IL10RB: variants seen among roughly 807,000 people sequenced by gnomAD.
IL10RB encodes interleukin-10 receptor subunit beta.
Under a neutral mutation model 38.7 loss-of-function variants are expected in IL10RB, and 30 were observed. That is an observed-to-expected ratio of 0.78 (90% CI 0.58 to 1.05). IL10RB has a LOEUF of 1.05. IL10RB is among the 50% of genes least tolerant of loss of function. The probability of loss-of-function intolerance (pLI) is 0.00; values close to 1 mark genes in which losing one functional copy is unlikely to be tolerated. For synonymous variants in IL10RB, 142 were observed against 145.9 expected, an observed-to-expected ratio of 0.97 and a Z score of 0.19; for missense variants, 328 against 397.1, an observed-to-expected ratio of 0.83 and a Z score of 1.48.
chr21:33,290,790 C>T (rs888404603), intron 6 of IL10RB, among the ~76,000 whole-genome samples: 5 of 152,226 alleles, frequency 3.3e-5, no homozygotes, highest in Middle Eastern at 3.2e-3. Context: ...AGGGGGGTCC[C>T]GCCTTCACTG....
At chr21:33,302,756 G>A (rs1338758899) in intron 1 of IL10RB, among the ~76,000 whole-genome samples, 2 of 152,178 alleles carry the variant, frequency 1.3e-5, no homozygotes, top group Non-Finnish European at 2.9e-5. Flanking sequence ...GAAAGTCGAG[G>A]GGGGGATATT....
intron 2 of IL10RB, among the ~76,000 whole-genome samples, chr21:33,273,652 C>T (rs1397371647): frequency 2.0e-5 from 3 of 152,164 alleles, no homozygotes; most frequent in South Asian, 2.1e-4. Flanking sequence ...AGATGCTGTT[C>T]GGTAGCATTT....
In IL10RB at chr21:33,276,671, T is replaced by G; in HGVS notation, c.249T>G (p.Gly83=). 1 of 1,613,250 alleles carries G rather than the reference T, an allele frequency of 6.2e-7. No individual in the cohort carries two copies. The highest frequency in any genetic ancestry group is 8.5e-7 in the Non-Finnish European group (1 of 1,179,124). The change falls in exon 3 of 7, where the codon GGT becomes GGG. Residue 83 remains glycine (G), a synonymous_variant. Transcript: ENST00000290200. The part of the protein sequence containing the change: ...ECDFSSLSKY[G]DHTLRVRAEF... ...ATTTCTCAAGTCTTTCCAAGTATGG[T>G]GACCACACCTTGAGAGTCAGGGCTG...
At chr21:33,267,521 T>G (rs1026094449) in intron 1 of IL10RB, among the ~76,000 whole-genome samples, 4 of 145,114 alleles carry the variant, frequency 2.8e-5, no homozygotes, top group Middle Eastern at 3.5e-3. Context: ...TTTTTTTGTT[T>G]TTTTTTGAGA....
At position 33,268,516 on chromosome 21, in the gene IL10RB, A is replaced by C. The variant is rs1989016133; in HGVS notation, c.172A>C (p.Ser58Arg). The change falls in exon 2 of 7, where the codon AGT (serine) becomes CGT (arginine). Residue 58 changes from serine (S) to arginine (R), a missense_variant and splice_region_variant. Ser to Arg is a moderately radical substitution (Grantham distance 110, BLOSUM62 -1). Transcript: ENST00000290200. ...GNLTFTAQYL[S>R]YRIFQDKCMN... ...CCTGACTTTCACAGCTCAGTACCTA[A>C]GGTGGGTCTGGCCTCACTATTGGCA... 1.2e-6 allele frequency: 2 copies of C among 1,609,836 alleles called. No homozygotes were observed. The highest frequency in any genetic ancestry group is 1.7e-6 in the Non-Finnish European group (2 of 1,176,152).
chr21:33,284,846 T>A (rs2843715), intron 5 of IL10RB, among the ~76,000 whole-genome samples: 56,556 of 152,086 alleles, frequency 0.37, 11,319 homozygotes, highest in Non-Finnish European at 0.45. Flanking sequence ...AGCCTGCAGA[T>A]TCATGAGCTA....
rs1204690869 is a variant in IL10RB at position 33,276,601 on chromosome 21, G to T, written c.179G>T (p.Arg60Met). The stretch of plus-strand genomic sequence containing the variant: ...CTATCTTTTTGATTGTGTAGTTATA[G>T]GATATTCCAAGATAAATGCATGAAT... Reference protein sequence around the residue: ...LTFTAQYLSYRIFQDKCMNTT... With the variant: ...LTFTAQYLSYMIFQDKCMNTT... The change falls in exon 3 of 7, where the codon AGG becomes ATG. Residue 60 changes from arginine to methionine, a missense_variant. Arg to Met is a moderately conservative substitution (Grantham distance 91). Transcript: ENST00000290200. The T allele has an allele frequency of 6.2e-7, 1 of 1,612,768 alleles. No homozygotes were observed. Among genetic ancestry groups the T allele is most frequent in the East Asian group, 2.2e-5 (1 of 44,870 alleles).
At chr21:33,270,404 G>A (rs957093328) in intron 2 of IL10RB, among the ~76,000 whole-genome samples, 149 of 149,352 alleles carry the variant, frequency 1.0e-3, no homozygotes, top group African/African-American at 3.4e-3. Context: ...TTTTTGAGAC[G>A]GAGTCTCGCT....
At chr21:33,301,994 G>A (rs556950450), downstream of IL10RB, among the ~76,000 whole-genome samples, 181 of 152,272 alleles carry the variant, frequency 1.2e-3, 1 homozygote, top group South Asian at 7.7e-3. Context: ...CATGGAAAGC[G>A]ACACAGGTGA....
chr21:33,287,255 T>C (rs1360595252), intron 5 of IL10RB, among the ~76,000 whole-genome samples: 1 of 152,232 alleles, frequency 6.6e-6, no homozygotes, highest in Non-Finnish European at 1.5e-5. Context: ...TTAGGCAGCC[T>C]TGGGTTTTTC....
chr21:33,284,519 A>G (rs1334196005), intron 5 of IL10RB, among the ~76,000 whole-genome samples: 1 of 152,218 alleles, frequency 6.6e-6, no homozygotes, highest in East Asian at 1.9e-4. Flanking sequence ...CTCCCATTTT[A>G]CAAACTAGAA....
intron 2 of IL10RB, among the ~76,000 whole-genome samples, chr21:33,271,800 T>C (rs2031709444): frequency 1.3e-5 from 2 of 151,556 alleles, no homozygotes; most frequent in African/African-American, 2.4e-5. Flanking sequence ...TGCTGGACAA[T>C]TGATGCATTA....
intron 6 of IL10RB, among the ~76,000 whole-genome samples, chr21:33,293,341 G>A (rs760011704): frequency 1.3e-5 from 2 of 152,248 alleles, no homozygotes; most frequent in African/African-American, 2.4e-5. Context: ...ACTGCCTTCT[G>A]GGAAGGGCAC....
chr21:33,288,271 A>G lies in IL10RB; in HGVS notation c.804+10A>G. The stretch of plus-strand genomic sequence containing the variant: ...ACAGCACCTGAAAGAGGTAGGTAGG[A>G]TGGAGTGAGATGTGGATTTGAAAAC... On this transcript the variant is annotated intron_variant, in intron 6 of 6. Transcript: ENST00000290200. 1 of 1,612,184 alleles carries G rather than the reference A, an allele frequency of 6.2e-7. No homozygotes were observed. Among genetic ancestry groups the G allele is most frequent in the Non-Finnish European group, 8.5e-7 (1 of 1,178,374 alleles).
At chr21:33,288,371 ACGCG>A (rs34713650) in intron 6 of IL10RB, 110 bp downstream of exon 6, 188 of 730,042 alleles carry the variant, frequency 2.6e-4, no homozygotes, top group African/African-American at 9.9e-4. Context: ...GAAAACACAC[ACGCG>A]CGCGCGCACA....
chr21:33,269,881 A>G (rs1461791793), intron 2 of IL10RB, among the ~76,000 whole-genome samples: 3 of 152,062 alleles, frequency 2.0e-5, no homozygotes, highest in African/African-American at 7.2e-5. Context: ...GATGGTCACT[A>G]TCTCCTGACC....
downstream of IL10RB, among the ~76,000 whole-genome samples, chr21:33,298,601 G>A (rs973573338): frequency 4.6e-5 from 7 of 152,080 alleles, no homozygotes; most frequent in Non-Finnish European, 8.8e-5. Context: ...GTGACAGAGC[G>A]AGACTCCATC....
downstream of IL10RB, among the ~76,000 whole-genome samples, chr21:33,300,312 G>T (rs951872022): frequency 2.0e-5 from 3 of 151,890 alleles, no homozygotes; most frequent in African/African-American, 7.3e-5. Flanking sequence ...GTGGTGGCAG[G>T]TGCCTGTAAT....
Position 33,296,724 on chromosome 21 carries a change from G to T in IL10RB, c.*367G>T. On this transcript the variant is annotated 3_prime_UTR_variant, in exon 7 of 7. Transcript: ENST00000290200. The stretch of plus-strand genomic sequence containing the variant: ...AGCACCTTAGAGGTCGAGGCAGGCG[G>T]ATCACTTGAGGTCAGGAGTTCAAGA... 1 of 377,430 alleles carries T rather than the reference G, an allele frequency of 2.6e-6. No individual in the cohort carries two copies. The highest frequency in any genetic ancestry group is 5.2e-6 in the Non-Finnish European group (1 of 191,808). 23.4% of individuals were successfully genotyped at this position (377,430 alleles called of 1,614,324 possible).
Sources: gnomAD v4.1 joint callset for allele counts (sites outside exome capture counted in the v4.1 genomes callset) on GRCh38, gnomAD v4.1.1 for gene constraint, MANE v1.5 for transcripts, NCBI Gene and HGNC (gene_info 2026-07-23, HGNC 2026-07-21) for gene names.